The following DLGAP2 variants were observed in gnomAD, a reference collection of about 807,000 sequenced individuals.
DLGAP2 encodes disks large-associated protein 2.
In DLGAP2, 26 loss-of-function variants were observed where a neutral mutation model predicts 100.3. That is an observed-to-expected ratio of 0.26 (90% confidence interval 0.19 to 0.36). DLGAP2 has a LOEUF of 0.36. Among genes scored for constraint, DLGAP2 ranks in the 10% least tolerant of loss-of-function variants. The probability of loss-of-function intolerance (pLI) is 1.00; values close to 1 mark genes in which losing one functional copy is unlikely to be tolerated. For missense variants in DLGAP2, 1,858 were observed against 1,453.2 expected, an observed-to-expected ratio of 1.28 and a Z score of -4.53; for synonymous variants, 886 against 630.1, an observed-to-expected ratio of 1.41 and a Z score of -6.08.
At chr8:898,188 G>A (rs1584872881) in intron 1 of DLGAP2, among the ~76,000 whole-genome samples, 1 of 152,222 alleles carries the variant, frequency 6.6e-6, no homozygotes, top group East Asian at 1.9e-4. Flanking sequence ...TCTGTGACCT[G>A]TGTGGGGGCA....
chr8:1,218,970 G>T (rs566113418), intron 2 of DLGAP2, among the ~76,000 whole-genome samples: 2 of 152,162 alleles, frequency 1.3e-5, no homozygotes, highest in African/African-American at 2.4e-5. Flanking sequence ...TTTGTACACT[G>T]AGTTTATATC....
chr8:1,690,553 A>T (rs536709480), intron 12 of DLGAP2, among the ~76,000 whole-genome samples: 1 of 149,898 alleles, frequency 6.7e-6, no homozygotes, highest in Admixed American at 6.7e-5. Context: ...AAAAATACAA[A>T]ATTAGCCAGG....
At chr8:862,946 G>A (rs17739794) in intron 1 of DLGAP2, among the ~76,000 whole-genome samples, 75,626 of 152,026 alleles carry the variant, frequency 0.5, 19,290 homozygotes, top group Admixed American at 0.62. Context: ...TGCCACAGAG[G>A]ATATGGGTTA....
chr8:1,096,276 C>G (rs183377167), intron 2 of DLGAP2, among the ~76,000 whole-genome samples: 57 of 152,348 alleles, frequency 3.7e-4, no homozygotes, highest in African/African-American at 1.3e-3. Flanking sequence ...CCTTGCCAAG[C>G]CTTTGCTCAG....
At chr8:999,025 A>G (rs945654261) in intron 2 of DLGAP2, among the ~76,000 whole-genome samples, 2 of 152,174 alleles carry the variant, frequency 1.3e-5, no homozygotes, top group Non-Finnish European at 1.5e-5. Context: ...CTGCCTCCAG[A>G]TGAACCATAC....
At chr8:1,015,175 TGTGTGTGACCAGGACAGACGAC>T (rs1801422548) in intron 2 of DLGAP2, among the ~76,000 whole-genome samples, 1 of 15,256 alleles carries the variant, frequency 6.6e-5, no homozygotes, top group Non-Finnish European at 1.4e-4. Context: ...GCCTCCACTG[TGTGTGTGACCAGGACAGACGAC>T]GCCTCCACTG....
chr8:1,613,931 A>G (rs141307674), intron 6 of DLGAP2, among the ~76,000 whole-genome samples: 1 of 152,234 alleles, frequency 6.6e-6, no homozygotes, highest in Non-Finnish European at 1.5e-5. Context: ...GCTACCTTCC[A>G]TTCTAGCTCT....
At chr8:964,057 T>C (rs550036308) in intron 2 of DLGAP2, among the ~76,000 whole-genome samples, 10 of 152,224 alleles carry the variant, frequency 6.6e-5, no homozygotes, top group Non-Finnish European at 1.5e-4. Flanking sequence ...TATGGAAAAC[T>C]TTAGGAAGTT....
intron 2 of DLGAP2, among the ~76,000 whole-genome samples, chr8:1,227,153 G>GAGATATATATATATAT (rs1554506451): frequency 2.2e-5 from 2 of 89,708 alleles, no homozygotes; most frequent in African/African-American, 1.3e-4. Context: ...GAAACTGTGA[G>GAGATATATATATATAT]ATATATATAT....
At chr8:1,696,768 C>T (rs775568304) in intron 13 of DLGAP2, among the ~76,000 whole-genome samples, 1 of 152,198 alleles carries the variant, frequency 6.6e-6, no homozygotes, top group Non-Finnish European at 1.5e-5. Flanking sequence ...TTCCCCACTG[C>T]CACCACCAGG....
intron 3 of DLGAP2, among the ~76,000 whole-genome samples, chr8:1,302,842 A>T (rs1800391821): frequency 6.6e-6 from 1 of 152,232 alleles, no homozygotes. Flanking sequence ...GCGCCGCTGG[A>T]GTCGATTCTT....
chr8:1,414,063 C>T (rs1796809137), intron 3 of DLGAP2, among the ~76,000 whole-genome samples: 2 of 152,196 alleles, frequency 1.3e-5, no homozygotes, highest in African/African-American at 4.8e-5. Flanking sequence ...CTGCTTTTTC[C>T]TCTGCTGTTA....
chr8:1,457,162 G>A (rs1373197256), intron 3 of DLGAP2, among the ~76,000 whole-genome samples: 1 of 152,206 alleles, frequency 6.6e-6, no homozygotes, highest in Non-Finnish European at 1.5e-5. Flanking sequence ...GATGAAATAT[G>A]TTGGAGTAGG....
intron 1 of DLGAP2, chr8:753,759 A>G (rs1463560118): frequency 6.6e-6 from 1 of 152,270 alleles, no homozygotes; most frequent in Non-Finnish European, 1.5e-5. Context: ...CGTGTCCTCT[A>G]AGATGATCCA....
At chr8:959,016 T>C (rs1489298531) in intron 2 of DLGAP2, among the ~76,000 whole-genome samples, 1 of 152,176 alleles carries the variant, frequency 6.6e-6, no homozygotes, top group Non-Finnish European at 1.5e-5. Context: ...ACGGATACAA[T>C]CCAAATTCAG....
intron 1 of DLGAP2, among the ~76,000 whole-genome samples, chr8:885,782 G>C (rs558631908): frequency 1.3e-5 from 2 of 152,086 alleles, no homozygotes; most frequent in Non-Finnish European, 2.9e-5. Flanking sequence ...TCATTATTTT[G>C]AGATATGTTC....
intron 8 of DLGAP2, among the ~76,000 whole-genome samples, chr8:1,656,744 A>T (rs1186464164): frequency 6.6e-6 from 1 of 152,182 alleles, no homozygotes; most frequent in Non-Finnish European, 1.5e-5. Context: ...AACTTACTAT[A>T]TGTGTGGCTC....
At chr8:1,671,844 G>A (rs562476713) in intron 10 of DLGAP2, among the ~76,000 whole-genome samples, 8 of 152,340 alleles carry the variant, frequency 5.3e-5, no homozygotes, top group East Asian at 1.9e-4. Context: ...CCAGATGCCC[G>A]TAGGAGAGAA....
intron 2 of DLGAP2, among the ~76,000 whole-genome samples, chr8:1,178,677 T>C (rs1320477004): frequency 6.6e-6 from 1 of 152,156 alleles, no homozygotes; most frequent in Non-Finnish European, 1.5e-5. Flanking sequence ...GAATGGATTT[T>C]GGGAAGTGCA....
Sources: gnomAD v4.1 joint callset for allele counts (sites outside exome capture counted in the v4.1 genomes callset) on GRCh38, gnomAD v4.1.1 for gene constraint, MANE v1.5 for transcripts, NCBI Gene and HGNC (gene_info 2026-07-23, HGNC 2026-07-21) for gene names.